The following NRG3 variants were observed in gnomAD, a reference collection of about 807,000 sequenced individuals.
NRG3 encodes the protein pro-neuregulin-3, membrane-bound isoform.
NRG3 carries 31 observed loss-of-function variants against 66.9 expected under a neutral mutation model. That is an observed-to-expected ratio of 0.46 (90% CI 0.35 to 0.63). NRG3 has a LOEUF of 0.63. Ranked by LOEUF, NRG3 falls within the 20% of genes least tolerant of loss-of-function variation. The probability of loss-of-function intolerance (pLI) is 0.00; values close to 1 mark genes in which losing one functional copy is unlikely to be tolerated. For missense variants in NRG3, 910 were observed against 878.9 expected (o/e 1.04, Z -0.45); for synonymous variants, 393 against 359.4 (o/e 1.09, Z -1.06).
chr10:82,450,999 C>T (rs1184458583), intron 2 of NRG3, among the ~76,000 whole-genome samples: 5 of 152,124 alleles, frequency 3.3e-5, no homozygotes, highest in South Asian at 2.1e-4. Flanking sequence ...TTATCATCTA[C>T]GTTAACTGCT....
chr10:82,764,410 C>T (rs1412083052), intron 3 of NRG3, among the ~76,000 whole-genome samples: 1 of 148,682 alleles, frequency 6.7e-6, no homozygotes, highest in Non-Finnish European at 1.5e-5. Flanking sequence ...CTTAGTCTCG[C>T]TCTGTCGCCT....
At chr10:82,428,069 C>A (rs2089560319) in intron 2 of NRG3, among the ~76,000 whole-genome samples, 1 of 151,862 alleles carries the variant, frequency 6.6e-6, no homozygotes, top group Admixed American at 6.6e-5. Context: ...TCATTTCTGG[C>A]TAGCAATTTG....
intron 3 of NRG3, among the ~76,000 whole-genome samples, chr10:82,838,595 C>T (rs893488281): frequency 1.3e-5 from 2 of 151,910 alleles, no homozygotes; most frequent in Non-Finnish European, 2.9e-5. Flanking sequence ...TGCTACATAG[C>T]TGATTGTGAA....
intron 1 of NRG3, among the ~76,000 whole-genome samples, chr10:82,269,081 C>T (rs1437905805): frequency 6.6e-6 from 1 of 152,156 alleles, no homozygotes; most frequent in Non-Finnish European, 1.5e-5. Context: ...CTACATTTTT[C>T]TGATACCACT....
At chr10:82,041,060 C>G (rs770174927) in intron 1 of NRG3, among the ~76,000 whole-genome samples, 1 of 152,036 alleles carries the variant, frequency 6.6e-6, no homozygotes, top group Non-Finnish European at 1.5e-5. Context: ...GCCATGAGTG[C>G]TTTTTACTTG....
intron 3 of NRG3, among the ~76,000 whole-genome samples, chr10:82,831,963 C>T (rs1055805895): frequency 2.6e-5 from 4 of 152,108 alleles, no homozygotes; most frequent in Non-Finnish European, 5.9e-5. Context: ...TCCTTAGGAG[C>T]AGACCTCTTT....
At chr10:82,674,076 G>A (rs982219683) in intron 2 of NRG3, among the ~76,000 whole-genome samples, 1 of 152,132 alleles carries the variant, frequency 6.6e-6, no homozygotes, top group African/African-American at 2.4e-5. Flanking sequence ...CCTTTTGAAA[G>A]TGAAAGAGTG....
At chr10:81,959,943 A>G (rs1850196990) in intron 1 of NRG3, among the ~76,000 whole-genome samples, 2 of 151,828 alleles carry the variant, frequency 1.3e-5, no homozygotes, top group Admixed American at 6.6e-5. Context: ...ACTATTTTTT[A>G]CTTTTCTCAC....
intron 2 of NRG3, among the ~76,000 whole-genome samples, chr10:82,736,877 TA>T (rs1345070904): frequency 1.3e-5 from 2 of 152,126 alleles, no homozygotes; most frequent in African/African-American, 4.8e-5. Flanking sequence ...AGATTGGAAA[TA>T]AAATCTTCAA....
At chr10:82,873,368 AATATAG>A (rs1347719558) in intron 4 of NRG3, among the ~76,000 whole-genome samples, 3 of 152,176 alleles carry the variant, frequency 2.0e-5, no homozygotes, top group African/African-American at 7.2e-5. Flanking sequence ...CATGAGGGAA[AATATAG>A]ATTTTTACAG....
intron 2 of NRG3, among the ~76,000 whole-genome samples, chr10:82,647,957 C>T (rs2051088867): frequency 6.8e-6 from 1 of 147,040 alleles, no homozygotes; most frequent in Non-Finnish European, 1.5e-5. Flanking sequence ...TGTAGGTTGC[C>T]TGTTCACTCT....
intron 2 of NRG3, among the ~76,000 whole-genome samples, chr10:82,682,946 A>ACTTTTTT (rs2054216105): frequency 1.5e-5 from 1 of 65,334 alleles, no homozygotes; most frequent in African/African-American, 6.4e-5. Flanking sequence ...CCATGTCTTA[A>ACTTTTTT]TTTTTTTTTT....
At chr10:82,926,329 G>A (rs1418532902) in intron 4 of NRG3, among the ~76,000 whole-genome samples, 1 of 152,128 alleles carries the variant, frequency 6.6e-6, no homozygotes, top group East Asian at 1.9e-4. Flanking sequence ...CTTCAAGTTT[G>A]GTATCTACAG....
At chr10:82,037,577 T>C (rs990111079) in intron 1 of NRG3, among the ~76,000 whole-genome samples, 8 of 152,150 alleles carry the variant, frequency 5.3e-5, no homozygotes, top group African/African-American at 1.9e-4. Context: ...GATTTTTTTC[T>C]AATAAACTCA....
intron 5 of NRG3, among the ~76,000 whole-genome samples, chr10:82,952,354 A>G (rs1212628689): frequency 6.6e-6 from 1 of 150,884 alleles, no homozygotes; most frequent in Non-Finnish European, 1.5e-5. Flanking sequence ...AATTGCTTGA[A>G]CCTGGGAGGT....
chr10:82,229,315 A>G (rs1015809018), intron 1 of NRG3: 2 of 152,246 alleles, frequency 1.3e-5, no homozygotes, highest in Non-Finnish European at 2.9e-5. Context: ...TTAATTCCCA[A>G]ATGTATTACT....
At chr10:82,385,863 T>G (rs943183317) in intron 2 of NRG3, among the ~76,000 whole-genome samples, 2 of 152,196 alleles carry the variant, frequency 1.3e-5, no homozygotes, top group Non-Finnish European at 2.9e-5. Flanking sequence ...CATAATGTTT[T>G]AGCTATTAAA....
intron 2 of NRG3, among the ~76,000 whole-genome samples, chr10:82,469,655 A>G (rs762212160): frequency 6.6e-6 from 1 of 152,146 alleles, no homozygotes; most frequent in Non-Finnish European, 1.5e-5. Context: ...GCCTCTGAGT[A>G]CCTAGGAGCC....
chr10:82,216,191 G>A (rs1483073205), intron 1 of NRG3, among the ~76,000 whole-genome samples: 2 of 151,790 alleles, frequency 1.3e-5, no homozygotes, highest in Admixed American at 1.3e-4. Context: ...ATGTTGGCCA[G>A]GCTGGTCTTG....
Sources: gnomAD v4.1 joint callset for allele counts (sites outside exome capture counted in the v4.1 genomes callset) on GRCh38, gnomAD v4.1.1 for gene constraint, MANE v1.5 for transcripts, NCBI Gene and HGNC (gene_info 2026-07-23, HGNC 2026-07-21) for gene names.